TRIQK: variants seen among roughly 807,000 people sequenced by gnomAD.
TRIQK encodes triple QxxK/R motif-containing protein.
Under a neutral mutation model 10.8 loss-of-function variants are expected in TRIQK, and 10 were observed. The observed-to-expected ratio is 0.92, with a 90% CI of 0.57 to 1.57. TRIQK has a LOEUF of 1.57. Among genes scored for constraint, TRIQK ranks in the 40% most tolerant of loss-of-function variants. TRIQK has a pLI of 0.00. For missense variants in TRIQK, 107 were observed against 97.7 expected, an observed-to-expected ratio of 1.09 and a Z score of -0.40; for synonymous variants, 33 against 33.7, an observed-to-expected ratio of 0.98 and a Z score of 0.07.
At chr8:93,006,884 T>C (rs1504681) in intron 1 of TRIQK, among the ~76,000 whole-genome samples, 77,936 of 152,012 alleles carry the variant, frequency 0.51, 20,887 homozygotes, top group African/African-American at 0.66. Context: ...GCAGCAGGGG[T>C]GGCCACGGTC....
At chr8:92,953,271 T>A (rs1032344931) in intron 2 of TRIQK, 3 of 152,030 alleles carry the variant, frequency 2.0e-5, no homozygotes, top group African/African-American at 7.2e-5. Context: ...TTTTCTGGAT[T>A]CATTGATCAT....
chr8:92,904,013 T>C (rs894998310), intron 3 of TRIQK, among the ~76,000 whole-genome samples: 34 of 152,226 alleles, frequency 2.2e-4, no homozygotes, highest in Admixed American at 1.9e-3. Context: ...TTTGAGCCTA[T>C]ACTCAAATGA....
chr8:92,987,523 G>A (rs1466289389), intron 1 of TRIQK, among the ~76,000 whole-genome samples: 1 of 152,158 alleles, frequency 6.6e-6, no homozygotes, highest in African/African-American at 2.4e-5. Flanking sequence ...TAGAATGAAT[G>A]GGTACTATTA....
At chr8:92,958,005 C>T (rs530928279) in intron 1 of TRIQK, among the ~76,000 whole-genome samples, 22 of 151,878 alleles carry the variant, frequency 1.4e-4, no homozygotes, top group Admixed American at 1.3e-3. Context: ...GCTTCAGAAC[C>T]ATTTCAAAAT....
At chr8:92,909,721 T>A (rs1809469059) in intron 3 of TRIQK, among the ~76,000 whole-genome samples, 1 of 151,720 alleles carries the variant, frequency 6.6e-6, no homozygotes, top group Admixed American at 6.6e-5. Context: ...TTAAAAATGC[T>A]AACCAAGCAA....
intron 2 of TRIQK, among the ~76,000 whole-genome samples, chr8:92,935,709 G>A (rs906603364): frequency 2.0e-5 from 3 of 150,898 alleles, no homozygotes; most frequent in Non-Finnish European, 4.5e-5. Context: ...TTGTCCTGAC[G>A]GAATAAGAAA....
intron 1 of TRIQK, among the ~76,000 whole-genome samples, chr8:92,962,129 A>C (rs1438615825): frequency 6.6e-6 from 1 of 152,210 alleles, no homozygotes; most frequent in Admixed American, 6.5e-5. Context: ...AATGGTATGA[A>C]AAATTAGCTC....
intron 3 of TRIQK, among the ~76,000 whole-genome samples, chr8:92,910,710 A>C (rs1007741904): frequency 7.3e-5 from 11 of 151,276 alleles, no homozygotes; most frequent in Non-Finnish European, 1.3e-4. Context: ...AAGTCTAAAC[A>C]GACACTTCAT....
intron 2 of TRIQK, among the ~76,000 whole-genome samples, chr8:92,919,540 T>C (rs1282746901): frequency 6.6e-6 from 1 of 151,784 alleles, no homozygotes; most frequent in Non-Finnish European, 1.5e-5. Context: ...ATTTGGTTTG[T>C]AGTGTTTTGT....
chr8:92,993,547 C>T (rs1813119309), intron 1 of TRIQK, among the ~76,000 whole-genome samples: 1 of 152,182 alleles, frequency 6.6e-6, no homozygotes, highest in Non-Finnish European at 1.5e-5. Context: ...AGAAAACACC[C>T]AGATACGCTG....
chr8:92,928,596 T>C (rs192501579), intron 2 of TRIQK, among the ~76,000 whole-genome samples: 1 of 152,338 alleles, frequency 6.6e-6, no homozygotes, highest in Non-Finnish European at 1.5e-5. Context: ...ATGTGATTAC[T>C]GCCAACATTA....
chr8:92,890,799 G>A lies in TRIQK; in HGVS notation c.147+1190C>T, dbSNP rs1183067408. On this transcript the variant is annotated intron_variant, in intron 4 of 4. Coordinates refer to ENST00000521988, the MANE Select transcript of TRIQK (RefSeq NM_001171797.2). ...AAAGTAAATGACATATTGCCTTTGA[G>A]GGCAATGACAGACAATGTTCTCGCT... is the stretch of plus-strand genomic sequence containing the variant. 2.0e-5 allele frequency among the ~76,000 whole-genome samples: 3 copies of A among 151,732 alleles called. No individual in the cohort carries two copies. The East Asian group carries it at 5.8e-4, about 29-fold the overall frequency.
At chr8:92,914,271 T>G (rs1809718671) in intron 3 of TRIQK, among the ~76,000 whole-genome samples, 1 of 152,186 alleles carries the variant, frequency 6.6e-6, no homozygotes, top group Non-Finnish European at 1.5e-5. Context: ...TCTAGTAGTT[T>G]TATGTCTTAT....
intron 3 of TRIQK, among the ~76,000 whole-genome samples, chr8:92,913,787 C>A (rs1809689775): frequency 6.6e-6 from 1 of 152,062 alleles, no homozygotes; most frequent in Admixed American, 6.6e-5. Context: ...TACTATGCAG[C>A]CATAAAAAAT....
In TRIQK at chr8:92,886,508, C is replaced by G. The variant is rs1816484180; in HGVS notation, c.*114G>C. 4 of 645,492 alleles carry G rather than the reference C, an allele frequency of 6.2e-6. No individual in the cohort carries two copies. Among genetic ancestry groups the G allele is most frequent in the Non-Finnish European group, 1.0e-5 (4 of 388,408 alleles). The allele number at this position is 645,492 out of a possible 1,614,324, so 40.0% of individuals were successfully genotyped here. A position where few individuals can be genotyped will look rare whatever the true frequency, so the allele number is the denominator to read the frequency against. ...CTATCAAAAATCATATGTCTGCAAA[C>G]TGAAAATATTAGCAGAAAGAATTAA... On this transcript the variant is annotated 3_prime_UTR_variant, in exon 5 of 5. Transcript: ENST00000521988.
At chr8:92,922,695 A>G (rs1810250166) in intron 2 of TRIQK, 1 of 151,860 alleles carries the variant, frequency 6.6e-6, no homozygotes. Flanking sequence ...TTTACATTAA[A>G]AATTATGCCA....
At chr8:92,927,587 C>T (rs947398204) in intron 2 of TRIQK, among the ~76,000 whole-genome samples, 1 of 151,916 alleles carries the variant, frequency 6.6e-6, no homozygotes, top group African/African-American at 2.4e-5. Flanking sequence ...AAGTTTTGGT[C>T]CAGAAGGACT....
intron 3 of TRIQK, among the ~76,000 whole-genome samples, chr8:92,894,025 C>T (rs772330240): frequency 1.8e-4 from 28 of 152,026 alleles, no homozygotes; most frequent in Non-Finnish European, 3.4e-4. Flanking sequence ...GCCATATAAC[C>T]ATTGGTTAAA....
intron 1 of TRIQK, among the ~76,000 whole-genome samples, chr8:93,011,131 C>T (rs554376073): frequency 6.6e-6 from 1 of 151,626 alleles, no homozygotes; most frequent in Admixed American, 6.6e-5. Flanking sequence ...CACACATGCT[C>T]ATATGATCTT....
Sources: allele counts gnomAD v4.1 joint callset (sites outside exome capture counted in the v4.1 genomes callset), GRCh38; gene constraint gnomAD v4.1.1; transcripts MANE v1.5; gene names NCBI Gene and HGNC (gene_info 2026-07-23, HGNC 2026-07-21).